The following MALRD1 variants were observed in gnomAD, a reference collection of about 807,000 sequenced individuals.
MALRD1 encodes the protein MAM and LDL-receptor class A domain-containing protein 1.
MALRD1 carries 247 observed loss-of-function variants against 242.1 expected under a neutral mutation model. The observed-to-expected ratio is 1.02, with a 90% CI of 0.92 to 1.13. The LOEUF is 1.13. MALRD1 is among the 50% of genes most tolerant of loss of function. MALRD1 has a pLI of 0.00. For synonymous variants in MALRD1, 995 were observed against 866.6 expected, an observed-to-expected ratio of 1.15 and a Z score of -2.60; for missense variants, 2,989 against 2,533.1, an observed-to-expected ratio of 1.18 and a Z score of -3.86.
chr10:19,495,665 A>G (rs982692784), intron 30 of MALRD1, among the ~76,000 whole-genome samples: 1 of 152,110 alleles, frequency 6.6e-6, no homozygotes, highest in African/African-American at 2.4e-5. Context: ...CAACCAGACA[A>G]ACAAATCTGC....
At chr10:19,665,610 G>A (rs991082342) in intron 36 of MALRD1, among the ~76,000 whole-genome samples, 10 of 151,880 alleles carry the variant, frequency 6.6e-5, no homozygotes, top group Middle Eastern at 3.4e-3. Flanking sequence ...CCAAGACATC[G>A]CACCATTTCA....
At chr10:19,364,899 T>C (rs554888335) in intron 26 of MALRD1, among the ~76,000 whole-genome samples, 1 of 152,116 alleles carries the variant, frequency 6.6e-6, no homozygotes, top group Non-Finnish European at 1.5e-5. Flanking sequence ...ACATAAGCCA[T>C]TTCTTTGATT....
intron 11 of MALRD1, among the ~76,000 whole-genome samples, chr10:19,148,623 C>T (rs1833808208): frequency 1.3e-5 from 2 of 151,272 alleles, no homozygotes; most frequent in African/African-American, 4.9e-5. Context: ...TAATAGAGCC[C>T]CTGTGTTAGA....
intron 5 of MALRD1, among the ~76,000 whole-genome samples, chr10:19,109,286 G>A (rs572038170): frequency 1.1e-3 from 168 of 152,186 alleles, no homozygotes; most frequent in Non-Finnish European, 2.0e-3. Context: ...CCTCCCTGTC[G>A]GGGACAGAAG....
chr10:19,149,513 A>G (rs935836283), intron 11 of MALRD1, among the ~76,000 whole-genome samples: 19 of 152,148 alleles, frequency 1.2e-4, no homozygotes, highest in African/African-American at 4.1e-4. Context: ...ATAGTCACAC[A>G]CAGATATATA....
chr10:19,487,517 CTT>C (rs11301302), intron 29 of MALRD1, among the ~76,000 whole-genome samples: 79,560 of 142,216 alleles, frequency 0.56, 21,776 homozygotes, highest in East Asian at 0.68. Flanking sequence ...CCTATTTTAA[CTT>C]TTTTTTTTTT....
intron 28 of MALRD1, among the ~76,000 whole-genome samples, chr10:19,441,703 G>T (rs1434786691): frequency 6.6e-6 from 1 of 151,942 alleles, no homozygotes; most frequent in African/African-American, 2.4e-5. Flanking sequence ...CTGTTTTTTG[G>T]TACCAGTTCC....
chr10:19,629,154 G>A (rs1444774310), intron 36 of MALRD1, among the ~76,000 whole-genome samples: 4 of 152,152 alleles, frequency 2.6e-5, no homozygotes, highest in Non-Finnish European at 4.4e-5. Flanking sequence ...TGATATGTTT[G>A]TACACTTAGC....
chr10:19,472,816 A>G (rs1455089290), intron 29 of MALRD1, among the ~76,000 whole-genome samples: 2 of 151,438 alleles, frequency 1.3e-5, no homozygotes, highest in Non-Finnish European at 3.0e-5. Flanking sequence ...TCAATTTTTT[A>G]TGTTTTTTCA....
chr10:19,146,502 A>T (rs1833731579), intron 11 of MALRD1, among the ~76,000 whole-genome samples, 158 bp downstream of exon 11: 2 of 152,184 alleles, frequency 1.3e-5, no homozygotes. Flanking sequence ...ATTGGCGGGT[A>T]ATTGAGTTCC....
chr10:19,464,442 C>A (rs1299806224), intron 29 of MALRD1, among the ~76,000 whole-genome samples: 1 of 152,142 alleles, frequency 6.6e-6, no homozygotes, highest in Admixed American at 6.5e-5. Context: ...TGCCAATTAT[C>A]CCAGCACCAT....
At chr10:19,504,266 G>A (rs11010193) in intron 31 of MALRD1, among the ~76,000 whole-genome samples, 62,815 of 151,930 alleles carry the variant, frequency 0.41, 13,686 homozygotes, top group Non-Finnish European at 0.49. Context: ...AAACCCTGGC[G>A]TATGGATCCG....
At chr10:19,218,363 C>A (rs16918360) in intron 18 of MALRD1, among the ~76,000 whole-genome samples, 2 of 151,984 alleles carry the variant, frequency 1.3e-5, no homozygotes, top group African/African-American at 4.8e-5. Context: ...TTCTTATGAA[C>A]AGGCTACTCT....
At chr10:19,658,099 G>T (rs560349621) in intron 36 of MALRD1, among the ~76,000 whole-genome samples, 1 of 152,028 alleles carries the variant, frequency 6.6e-6, no homozygotes, top group South Asian at 2.1e-4. Flanking sequence ...TGTGAGCCGA[G>T]ATCATGCCAT....
At chr10:19,053,818 A>G (rs965088473) in intron 1 of MALRD1, among the ~76,000 whole-genome samples, 1 of 151,944 alleles carries the variant, frequency 6.6e-6, no homozygotes, top group Middle Eastern at 3.4e-3. Context: ...CCTGTGCATT[A>G]AAAAAAAGAA....
At chr10:19,206,921 C>T (rs2131622616) in intron 17 of MALRD1, among the ~76,000 whole-genome samples, 1 of 152,160 alleles carries the variant, frequency 6.6e-6, no homozygotes, top group African/African-American at 2.4e-5. Flanking sequence ...ACCCTGTGTC[C>T]CCCCAAGTTC....
At chr10:19,497,278 C>T (rs1015569888) in intron 30 of MALRD1, among the ~76,000 whole-genome samples, 11 of 150,252 alleles carry the variant, frequency 7.3e-5, no homozygotes, top group Non-Finnish European at 1.5e-4. Context: ...ATTTTTTATC[C>T]ATATCACATA....
chr10:19,581,017 CTT>C (rs1172975511), intron 33 of MALRD1, among the ~76,000 whole-genome samples: 5 of 151,930 alleles, frequency 3.3e-5, no homozygotes, highest in Non-Finnish European at 5.9e-5. Context: ...TCAAATTATT[CTT>C]TTCTCTTTCC....
At chr10:19,603,367 T>A (rs1169569399) in intron 34 of MALRD1, among the ~76,000 whole-genome samples, 1 of 152,206 alleles carries the variant, frequency 6.6e-6, no homozygotes, top group Admixed American at 6.5e-5. Context: ...AATTAATTTT[T>A]GTATAAGGTG....
Sources: gnomAD v4.1 joint callset for allele counts (sites outside exome capture counted in the v4.1 genomes callset) on GRCh38, gnomAD v4.1.1 for gene constraint, MANE v1.5 for transcripts, NCBI Gene and HGNC (gene_info 2026-07-23, HGNC 2026-07-21) for gene names.